Variants in CPEB3 observed in about 807,000 individuals in gnomAD.
The protein encoded by CPEB3 is cytoplasmic polyadenylation element-binding protein 3.
CPEB3 carries 20 observed loss-of-function variants against 67.2 expected under a neutral mutation model. That is an observed-to-expected ratio of 0.30 (90% CI 0.21 to 0.43). The LOEUF is 0.43. CPEB3 is among the 20% of genes least tolerant of loss of function. CPEB3 has a pLI of 1.00. For synonymous variants in CPEB3, 376 were observed against 393.1 expected (o/e 0.96, Z 0.51); for missense variants, 746 against 968.6 (o/e 0.77, Z 3.05).
intron 1 of CPEB3, among the ~76,000 whole-genome samples, chr10:92,259,897 T>A (rs574352040): frequency 6.6e-6 from 1 of 152,328 alleles, no homozygotes; most frequent in South Asian, 2.1e-4. Flanking sequence ...ATGAGGTAAA[T>A]ACTGTTCTTG....
At chr10:92,194,031 C>G (rs772981187) in intron 2 of CPEB3, among the ~76,000 whole-genome samples, 1 of 151,768 alleles carries the variant, frequency 6.6e-6, no homozygotes, top group African/African-American at 2.4e-5. Context: ...CTCCTGACCT[C>G]GTGATCCACC....
At chr10:92,057,354 A>G (rs1276749850) in intron 9 of CPEB3, among the ~76,000 whole-genome samples, 3 of 151,760 alleles carry the variant, frequency 2.0e-5, no homozygotes, top group African/African-American at 7.3e-5. Context: ...GAAAAGTAAG[A>G]CTCCTCTGCC....
At chr10:92,175,401 C>T (rs570694595) in intron 4 of CPEB3, among the ~76,000 whole-genome samples, 10 of 151,894 alleles carry the variant, frequency 6.6e-5, no homozygotes, top group African/African-American at 2.2e-4. Context: ...TTTGAATATT[C>T]GCACATATGT....
At chr10:92,135,657 C>A (rs1254576428) in intron 6 of CPEB3, among the ~76,000 whole-genome samples, 1 of 152,124 alleles carries the variant, frequency 6.6e-6, no homozygotes, top group African/African-American at 2.4e-5. Context: ...GATCCCATTA[C>A]TAGATAAATG....
intron 2 of CPEB3, among the ~76,000 whole-genome samples, chr10:92,231,236 C>T (rs1851254375): frequency 6.6e-6 from 1 of 152,130 alleles, no homozygotes; most frequent in Middle Eastern, 3.2e-3. Context: ...ATACAAAGTG[C>T]CTTTTGATGT....
chr10:92,227,617 G>A (rs1357453932), intron 2 of CPEB3, among the ~76,000 whole-genome samples: 1 of 150,832 alleles, frequency 6.6e-6, no homozygotes, highest in African/African-American at 2.4e-5. Context: ...TTTTGAGACG[G>A]AGTCTCCCTG....
chr10:92,242,118 A>G (rs1851876909), intron 1 of CPEB3, among the ~76,000 whole-genome samples: 1 of 152,250 alleles, frequency 6.6e-6, no homozygotes, highest in East Asian at 1.9e-4. Context: ...ATTAGAGACT[A>G]TCATTAAAAT....
chr10:92,113,299 T>C (rs931063869), intron 6 of CPEB3, among the ~76,000 whole-genome samples: 4 of 152,210 alleles, frequency 2.6e-5, no homozygotes, highest in Non-Finnish European at 5.9e-5. Flanking sequence ...ATATCCTCTT[T>C]TGCAAACAGT....
At chr10:92,053,635 A>G (rs866941445) in intron 9 of CPEB3, among the ~76,000 whole-genome samples, 19 of 145,928 alleles carry the variant, frequency 1.3e-4, no homozygotes, top group Admixed American at 7.9e-4. Flanking sequence ...TCCGCCTCCC[A>G]GGTTCACGCC....
At chr10:92,206,200 T>C (rs559712016) in intron 2 of CPEB3, among the ~76,000 whole-genome samples, 67 of 151,766 alleles carry the variant, frequency 4.4e-4, no homozygotes, top group Non-Finnish European at 9.1e-4. Context: ...GCCTCCCAAG[T>C]AGCTGGGATT....
intron 2 of CPEB3, among the ~76,000 whole-genome samples, chr10:92,200,257 C>T (rs1849454119): frequency 6.6e-6 from 1 of 152,072 alleles, no homozygotes; most frequent in African/African-American, 2.4e-5. Context: ...AAGATTAGGG[C>T]ATACAGGCCG....
At chr10:92,115,001 T>C (rs903204408) in intron 6 of CPEB3, among the ~76,000 whole-genome samples, 7 of 152,188 alleles carry the variant, frequency 4.6e-5, no homozygotes, top group Admixed American at 4.6e-4. Flanking sequence ...ATATGCACTT[T>C]CAGCCGGCAG....
chr10:92,104,630 G>A (rs7075257), intron 7 of CPEB3, among the ~76,000 whole-genome samples: 11,656 of 151,642 alleles, frequency 0.077, 1,490 homozygotes, highest in African/African-American at 0.27. Context: ...CTCATAATCC[G>A]CCCGCCTTGG....
At chr10:92,146,495 T>G (rs1350631279) in intron 4 of CPEB3, among the ~76,000 whole-genome samples, 1 of 152,038 alleles carries the variant, frequency 6.6e-6, no homozygotes, top group African/African-American at 2.4e-5. Flanking sequence ...TATCTTTATT[T>G]CCCTGAAACC....
chr10:92,165,523 A>T (rs1368153150), intron 4 of CPEB3, among the ~76,000 whole-genome samples: 1 of 150,576 alleles, frequency 6.6e-6, no homozygotes, highest in Non-Finnish European at 1.5e-5. Flanking sequence ...AAAAAAAGAG[A>T]TCAGTGAAGT....
At chr10:92,168,711 G>T (rs1447148631) in intron 4 of CPEB3, among the ~76,000 whole-genome samples, 3 of 151,314 alleles carry the variant, frequency 2.0e-5, no homozygotes, top group South Asian at 2.1e-4. Flanking sequence ...GGATGTGTTT[G>T]CTTCCCCTTC....
Position 92,216,551 on chromosome 10 carries a change from G to A in CPEB3, c.1005+22795C>T. On this transcript the variant is annotated intron_variant, in intron 2 of 9. Coordinates refer to ENST00000265997, the MANE Select transcript of CPEB3 (RefSeq NM_014912.5). ...AGAGGTTCAGAAATTTGTCAACAAA[G>A]GAGAAAAAGGGATCATGGTTTTGGC... 1.9e-6 allele frequency: 3 copies of A among 1,612,456 alleles called. No homozygotes were observed. In the South Asian group the frequency reaches 3.3e-5, roughly 18 times the overall value.
intron 3 of CPEB3, 96 bp downstream of exon 3, chr10:92,192,381 A>G: frequency 8.0e-7 from 1 of 1,243,854 alleles, no homozygotes; most frequent in Non-Finnish European, 1.1e-6. Context: ...AACAAAAACA[A>G]GCAAACAAAA....
chr10:92,144,193 A>T (rs1307458317), intron 5 of CPEB3, among the ~76,000 whole-genome samples: 1 of 152,224 alleles, frequency 6.6e-6, no homozygotes, highest in Non-Finnish European at 1.5e-5. Flanking sequence ...TCTCAAAACT[A>T]TTATTAAGAA....
Sources: allele counts gnomAD v4.1 joint callset (sites outside exome capture counted in the v4.1 genomes callset), GRCh38; gene constraint gnomAD v4.1.1; transcripts MANE v1.5; gene names NCBI Gene and HGNC (gene_info 2026-07-23, HGNC 2026-07-21).